Variants in DSCAM observed in about 807,000 individuals in gnomAD.
The protein encoded by DSCAM is cell adhesion molecule DSCAM.
A neutral mutation model predicts 217.7 loss-of-function variants in DSCAM; 47 were observed. The observed-to-expected ratio is 0.22, with a 90% CI of 0.17 to 0.28. The LOEUF is 0.28. DSCAM is among the 10% of genes least tolerant of loss of function. The probability of loss-of-function intolerance (pLI) is 1.00; values close to 1 mark genes in which losing one functional copy is unlikely to be tolerated. For synonymous variants in DSCAM, 1,056 were observed against 1,015.3 expected (o/e 1.04, Z -0.76); for missense variants, 2,080 against 2,618.3 (o/e 0.79, Z 4.49).
chr21:40,065,089 A>G (rs1468023381), intron 27 of DSCAM, among the ~76,000 whole-genome samples: 10 of 152,142 alleles, frequency 6.6e-5, no homozygotes, highest in Non-Finnish European at 1.2e-4. Flanking sequence ...ATCTGTACGA[A>G]TCAGAGTCCT....
chr21:40,550,221 A>G (rs754238110), intron 3 of DSCAM, among the ~76,000 whole-genome samples: 3 of 152,060 alleles, frequency 2.0e-5, no homozygotes, highest in Non-Finnish European at 4.4e-5. Context: ...CTGTTTAGCC[A>G]TCTACTCAAA....
intron 8 of DSCAM, among the ~76,000 whole-genome samples, chr21:40,327,011 A>G (rs184345644): frequency 4.6e-5 from 7 of 151,390 alleles, no homozygotes; most frequent in African/African-American, 1.7e-4. Flanking sequence ...TGTATGAAGT[A>G]CACAATTTTA....
intron 8 of DSCAM, among the ~76,000 whole-genome samples, chr21:40,326,493 G>T (rs1005939638): frequency 6.6e-6 from 1 of 152,218 alleles, no homozygotes; most frequent in Non-Finnish European, 1.5e-5. Context: ...CGCTAGAGAT[G>T]GTTAGCCAGG....
intron 11 of DSCAM, among the ~76,000 whole-genome samples, chr21:40,199,682 T>C (rs1039083086): frequency 1.3e-5 from 2 of 152,128 alleles, no homozygotes; most frequent in Non-Finnish European, 2.9e-5. Context: ...TTTTTAATAA[T>C]AGCCATTCTG....
At chr21:40,364,328 C>T (rs531848731) in intron 4 of DSCAM, among the ~76,000 whole-genome samples, 42 of 152,150 alleles carry the variant, frequency 2.8e-4, no homozygotes, top group African/African-American at 4.1e-4. Context: ...CACATATACA[C>T]CATGGAATAC....
chr21:40,675,974 C>T (rs773658835), intron 3 of DSCAM, among the ~76,000 whole-genome samples: 1 of 152,128 alleles, frequency 6.6e-6, no homozygotes, highest in Non-Finnish European at 1.5e-5. Context: ...GTCTTAGATC[C>T]AGAATTTAAG....
chr21:40,075,071 C>T lies in DSCAM; in HGVS notation c.4854G>A (p.Arg1618=). 3 of 1,614,216 alleles carry T rather than the reference C, an allele frequency of 1.9e-6. No individual in the cohort carries two copies. Among genetic ancestry groups the T allele is most frequent in the Non-Finnish European group, 2.5e-6 (3 of 1,180,044 alleles). ...TCTTTAGCCTCTGCTCCCGCCGCCT[C>T]CTCCGCACAACCAGCAGGAGCACAA... ...LLFVLLLVVR[R]RRREQRLKRL... The change falls in exon 27 of 33, where the codon AGG becomes AGA. Residue 1618 remains arginine (R), a synonymous_variant. Coordinates refer to ENST00000400454, the MANE Select transcript of DSCAM (RefSeq NM_001389.5).
rs146044737 is a variant in DSCAM, at chr21:40,629,947, G to A, written c.508+62863C>T. On this transcript the variant is annotated intron_variant, in intron 3 of 32. Coordinates refer to ENST00000400454, the MANE Select transcript of DSCAM (RefSeq NM_001389.5). ...TGAATAGTTAATAGAAGAGGTAAAT[G>A]ACAATATAGACAACATAGAGATGTT... 1.1e-3 allele frequency among the ~76,000 whole-genome samples: 163 copies of A among 152,286 alleles called. 1 individual carries two copies. The highest frequency in any genetic ancestry group is 3.4e-3 in the Middle Eastern group (1 of 294).
At chr21:40,766,681 A>AC (rs1270371243) in intron 1 of DSCAM, among the ~76,000 whole-genome samples, 1 of 119,174 alleles carries the variant, frequency 8.4e-6, no homozygotes, top group African/African-American at 3.7e-5. Context: ...AAAAAAAAAA[A>AC]AAAAAAACAA....
intron 3 of DSCAM, among the ~76,000 whole-genome samples, chr21:40,441,347 T>C (rs1235434941): frequency 2.6e-5 from 4 of 152,198 alleles, no homozygotes; most frequent in African/African-American, 4.8e-5. Flanking sequence ...GGAGGCCGAA[T>C]AAGCATAGAG....
chr21:40,074,836 G>A (rs373990978), intron 27 of DSCAM, among the ~76,000 whole-genome samples: 1 of 152,196 alleles, frequency 6.6e-6, no homozygotes, highest in Non-Finnish European at 1.5e-5. Context: ...ATTTCTGACC[G>A]AGATAGGAAC....
intron 3 of DSCAM, among the ~76,000 whole-genome samples, chr21:40,581,396 C>T (rs2076904665): frequency 6.6e-6 from 1 of 152,166 alleles, no homozygotes; most frequent in Non-Finnish European, 1.5e-5. Context: ...TATACACTCT[C>T]ATCCCTGTTT....
chr21:40,490,161 G>A (rs540187954), intron 3 of DSCAM, among the ~76,000 whole-genome samples: 3 of 152,100 alleles, frequency 2.0e-5, no homozygotes, highest in African/African-American at 7.2e-5. Context: ...TCATTATCAT[G>A]AGAACAGCCC....
chr21:40,431,357 C>T (rs909983078), intron 3 of DSCAM, among the ~76,000 whole-genome samples: 6 of 149,640 alleles, frequency 4.0e-5, no homozygotes, highest in African/African-American at 1.5e-4. Context: ...TTTATGACAC[C>T]TCAGCCTACT....
chr21:40,579,966 C>G (rs1187581770), intron 3 of DSCAM, among the ~76,000 whole-genome samples: 2 of 152,154 alleles, frequency 1.3e-5, no homozygotes, highest in Non-Finnish European at 2.9e-5. Context: ...AGGCCTCTCT[C>G]CTGATTGGCT....
At chr21:40,530,443 T>C (rs2146106969) in intron 3 of DSCAM, among the ~76,000 whole-genome samples, 1 of 152,360 alleles carries the variant, frequency 6.6e-6, no homozygotes, top group South Asian at 2.1e-4. Flanking sequence ...AGGTGGTGTC[T>C]TGAACTGAGT....
intron 5 of DSCAM, among the ~76,000 whole-genome samples, chr21:40,353,108 C>T (rs1013500395): frequency 3.9e-5 from 6 of 152,116 alleles, no homozygotes; most frequent in South Asian, 2.1e-4. Context: ...CAATCCTACC[C>T]TCTCTCTCTG....
At chr21:40,164,165 C>T (rs1193354116) in intron 16 of DSCAM, among the ~76,000 whole-genome samples, 1 of 152,116 alleles carries the variant, frequency 6.6e-6, no homozygotes, top group African/African-American at 2.4e-5. Flanking sequence ...TGAGCCATCG[C>T]CAAGAGCAAT....
chr21:40,278,370 C>T (rs1158956587), intron 10 of DSCAM, among the ~76,000 whole-genome samples: 1 of 152,136 alleles, frequency 6.6e-6, no homozygotes, highest in Admixed American at 6.5e-5. Flanking sequence ...CACAAATACT[C>T]ATCTCTGCCA....
Sources: allele counts gnomAD v4.1 joint callset (sites outside exome capture counted in the v4.1 genomes callset), GRCh38; gene constraint gnomAD v4.1.1; transcripts MANE v1.5; gene names NCBI Gene and HGNC (gene_info 2026-07-23, HGNC 2026-07-21).